Variants in RNF103 observed in about 807,000 individuals in gnomAD.
RNF103 encodes the protein E3 ubiquitin-protein ligase RNF103.
In RNF103, 23 loss-of-function variants were observed where a neutral mutation model predicts 66.2. The observed-to-expected ratio is 0.35, with a 90% confidence interval of 0.25 to 0.49. The LOEUF (loss-of-function observed/expected upper bound fraction) is 0.49. RNF103 is among the 20% of genes least tolerant of loss of function. The pLI is 0.98. For missense variants in RNF103, 730 were observed against 814.7 expected (o/e 0.90, Z 1.27); for synonymous variants, 297 against 289.9 (o/e 1.02, Z -0.25).
chr2:86,616,847 A>C, intron 2 of RNF103: 12 of 985,446 alleles, frequency 1.2e-5, no homozygotes, highest in Non-Finnish European at 1.4e-5. Flanking sequence ...ATAAATCCAT[A>C]AAACCCATAA....
chr2:86,614,075 T>A (rs1198571635), intron 2 of RNF103: 2 of 152,198 alleles, frequency 1.3e-5, no homozygotes, highest in South Asian at 4.1e-4. Flanking sequence ...ATTACAGGCA[T>A]GAACCACTGC....
At position 86,623,762 on chromosome 2, in the gene RNF103, G is replaced by A; in HGVS notation, c.-876C>T. 1 of 1,281,782 alleles carries A rather than the reference G, an allele frequency of 7.8e-7. No homozygotes were observed. The highest frequency in any genetic ancestry group is 1.0e-6 in the Non-Finnish European group (1 of 985,946). 79.4% of individuals were successfully genotyped at this position (1,281,782 alleles called of 1,614,324 possible). Reference sequence around the variant, plus strand: ...CCGTCCCGCTCGGATGGGCAGTGCCGGTCGCAGCACCCGTCCCCAACACCC... The same window carrying A: ...CCGTCCCGCTCGGATGGGCAGTGCCAGTCGCAGCACCCGTCCCCAACACCC... On this transcript the variant is annotated 5_prime_UTR_variant, in exon 1 of 4. Coordinates refer to ENST00000237455, the MANE Select transcript of RNF103 (RefSeq NM_005667.4).
chr2:86,612,148 A>C lies in RNF103; in HGVS notation c.482+11T>G. ...AGGACTCAAATTCTAAGAATTGCCT[A>C]ATCAACTTACCTGGGATCACTGGAA... is the stretch of plus-strand genomic sequence containing the variant. On this transcript the variant is annotated intron_variant, in intron 3 of 3. Transcript: ENST00000237455. 6.3e-7 allele frequency: 1 copy of C among 1,575,852 alleles called. No homozygotes were observed. The highest frequency in any genetic ancestry group is 2.2e-5 in the East Asian group (1 of 44,582).
chr2:86,623,009 G>T lies in RNF103; in HGVS notation c.-123C>A, dbSNP rs944573408. ...CCCCGTGTCCACGCGCGGGCCACCCGGCGCCGTCACTGGCCGGCCATCCCC... is the reference window on the plus strand; with the variant it reads ...CCCCGTGTCCACGCGCGGGCCACCCTGCGCCGTCACTGGCCGGCCATCCCC... On this transcript the variant is annotated 5_prime_UTR_variant, in exon 1 of 4. Coordinates refer to ENST00000237455, the MANE Select transcript of RNF103 (RefSeq NM_005667.4). The T allele has an allele frequency of 1.5e-5, 20 of 1,376,110 alleles. No individual in the cohort carries two copies. The Middle Eastern group carries it at 1.1e-3, about 74-fold the overall frequency. 85.2% of individuals were successfully genotyped at this position (1,376,110 alleles called of 1,614,324 possible).
chr2:86,622,700 G>A lies in RNF103; in HGVS notation c.187C>T (p.Pro63Ser), dbSNP rs1279310248. 6 of 1,614,000 alleles carry A rather than the reference G, an allele frequency of 3.7e-6. No homozygotes were observed. The highest frequency in any genetic ancestry group is 3.3e-4 in the Middle Eastern group (2 of 6,084). Residue 63 changes from proline (P) to serine (S), a missense_variant, in exon 1 of 4, where the codon CCC (proline) becomes TCC (serine). By Grantham distance (74) the Pro-to-Ser change is moderately conservative. Around this residue, in one of 3 missense-constraint regions of RNF103, gnomAD observed 327 missense variants for 369.8 expected, o/e 0.88. Transcript: ENST00000237455. ...ECRGLGYSGL[P>S]EKKDVRELVE... is the part of the protein sequence containing the mutation. ...AGCTCCCGGACATCCTTCTTCTCGG[G>A]CAACCCTGAGTAGCCCAACCCCCGG...
intron 3 of RNF103, among the ~76,000 whole-genome samples, 194 bp downstream of exon 3, chr2:86,611,963 CAG>C (rs1678813504): frequency 6.6e-6 from 1 of 152,062 alleles, no homozygotes; most frequent in Admixed American, 6.6e-5. Flanking sequence ...ATAGAGGAGA[CAG>C]AGAGAGATCT....
chr2:86,604,260 CAA>C lies in RNF103; in HGVS notation c.1639_1640del (p.Leu547GlufsTer2), dbSNP rs767283453. On this transcript the variant is annotated frameshift_variant, in exon 4 of 4. Coordinates refer to ENST00000237455, the MANE Select transcript of RNF103 (RefSeq NM_005667.4). LOFTEE classifies it high-confidence loss of function. ...NDSESENTDT[L>X]SSEKEVFEDK... Reference sequence around the variant, plus strand: ...CTTCAAATACTTCCTTCTCACTACTCAAAGTGTCTGTGTTCTCACTTTCCGAG... The same window carrying C: ...CTTCAAATACTTCCTTCTCACTACTCAGTGTCTGTGTTCTCACTTTCCGAG... The C allele has an allele frequency of 6.2e-7, 1 of 1,614,226 alleles. No individual in the cohort carries two copies. Among genetic ancestry groups the C allele is most frequent in the South Asian group, 1.1e-5 (1 of 91,084 alleles).
intron 2 of RNF103, chr2:86,614,708 C>T: frequency 1.5e-6 from 1 of 673,670 alleles, no homozygotes; most frequent in Non-Finnish European, 1.7e-6. Flanking sequence ...TTATTGCTAC[C>T]ACTCAAGAGT....
intron 2 of RNF103, chr2:86,614,312 A>C (rs969960061): frequency 6.6e-6 from 1 of 152,140 alleles, no homozygotes; most frequent in Admixed American, 6.6e-5. Context: ...TATAAGTTTT[A>C]CCTAGAAGGC....
chr2:86,603,955 ACAATG>A lies in RNF103; in HGVS notation c.1941_1945del (p.Ile648AspfsTer19). On this transcript the variant is annotated frameshift_variant, in exon 4 of 4. Transcript: ENST00000237455. LOFTEE classifies it high-confidence loss of function. ...ATGTCGGCCCCCAGCCAACCACATCACAATGCAATTCTGATGAAACACATGACCAC... is the reference window on the plus strand; with the variant it reads ...ATGTCGGCCCCCAGCCAACCACATCACAATTCTGATGAAACACATGACCAC... 6.2e-7 allele frequency: 1 copy of A among 1,614,154 alleles called. No homozygotes were observed. Among genetic ancestry groups the A allele is most frequent in the Non-Finnish European group, 8.5e-7 (1 of 1,180,042 alleles).
At chr2:86,620,740 T>A (rs1394145756) in intron 1 of RNF103, among the ~76,000 whole-genome samples, 6 of 152,226 alleles carry the variant, frequency 3.9e-5, no homozygotes, top group African/African-American at 1.4e-4. Flanking sequence ...TTAGTGGGGT[T>A]ATCACATAAT....
At chr2:86,617,422 A>G in intron 2 of RNF103, 1 of 548,412 alleles carries the variant, frequency 1.8e-6, no homozygotes, top group Non-Finnish European at 2.3e-6. Flanking sequence ...CACCACATTT[A>G]CATAAATGTT....
chr2:86,620,327 T>C lies in RNF103; in HGVS notation c.366+3A>G, dbSNP rs368843437. 2.9e-4 allele frequency: 459 copies of C among 1,596,508 alleles called. No individual in the cohort carries two copies. Among genetic ancestry groups the C allele is most frequent in the Admixed American group, 5.6e-4 (33 of 58,704 alleles). On this transcript the variant is annotated splice_donor_region_variant and intron_variant, in intron 2 of 3. Coordinates refer to ENST00000237455, the MANE Select transcript of RNF103 (RefSeq NM_005667.4). Reference sequence around the variant, plus strand: ...ATTATCAAATTATTACTGCTTTTCATACCTGAACCAGCCAGATGCCATCTT... The same window carrying C: ...ATTATCAAATTATTACTGCTTTTCACACCTGAACCAGCCAGATGCCATCTT...
intron 1 of RNF103, among the ~76,000 whole-genome samples, 196 bp downstream of exon 1, chr2:86,622,465 C>A (rs1365804838): frequency 6.6e-6 from 1 of 152,226 alleles, no homozygotes; most frequent in Non-Finnish European, 1.5e-5. Context: ...TACACCAACA[C>A]TCCTCCAAAT....
chr2:86,611,165 G>A (rs1678777836), intron 3 of RNF103, among the ~76,000 whole-genome samples: 1 of 149,632 alleles, frequency 6.7e-6, no homozygotes, highest in Non-Finnish European at 1.5e-5. Flanking sequence ...GAGTCACAGA[G>A]CCAAATCCTG....
In RNF103 at chr2:86,612,227, C is replaced by A; in HGVS notation, c.414G>T (p.Glu138Asp). 6.2e-7 allele frequency: 1 copy of A among 1,613,750 alleles called. No individual in the cohort carries two copies. The highest frequency in any genetic ancestry group is 8.5e-7 in the Non-Finnish European group (1 of 1,179,864). ...ATCTTGACACCTTTTTAACCATTTT[C>A]TCCCAGTGAATTTTGCCCACCAAGG... ...RSPLVGKIHWEKMVKKVSRFG... is the reference protein window; with the variant it reads ...RSPLVGKIHWDKMVKKVSRFG... The change falls in exon 3 of 4, where the codon GAG becomes GAT. Residue 138 changes from glutamate (E) to aspartate (D), a missense_variant. Physicochemically the swap from Glu to Asp is conservative, Grantham distance 45 (BLOSUM62 2). This residue lies in a region of RNF103 where 327 missense variants were observed against 369.8 expected (regional missense o/e 0.88). Transcript: ENST00000237455.
chr2:86,620,439 G>A lies in RNF103; in HGVS notation c.257C>T (p.Ala86Val). The A allele has an allele frequency of 1.9e-6, 3 of 1,598,802 alleles. No individual in the cohort carries two copies. Among genetic ancestry groups the A allele is most frequent in the Non-Finnish European group, 2.6e-6 (3 of 1,169,024 alleles). Reference protein sequence around the residue: ...GDLMEGELYSALKEEEASESV... With the variant: ...GDLMEGELYSVLKEEEASESV... ...TTCGGATGCTTCTTCTTCCTTGAGA[G>A]CAGAATAGAGCTCACCCTCCATCAA... The change falls in exon 2 of 4, where the codon GCT (alanine) becomes GTT (valine). Residue 86 changes from alanine (A) to valine (V), a missense_variant. By Grantham distance (64) the Ala-to-Val change is moderately conservative (BLOSUM62 0). This residue lies in a region of RNF103 where 327 missense variants were observed against 369.8 expected (regional missense o/e 0.88). Coordinates refer to ENST00000237455, the MANE Select transcript of RNF103 (RefSeq NM_005667.4).
In RNF103 at chr2:86,603,641, TA is replaced by T; in HGVS notation, c.*201del. 4 of 634,982 alleles carry T rather than the reference TA, an allele frequency of 6.3e-6. No homozygotes were observed. Among genetic ancestry groups the T allele is most frequent in the African/African-American group, 3.7e-5 (2 of 53,442 alleles). 39.3% of individuals were successfully genotyped at this position (634,982 alleles called of 1,614,324 possible). ...ACTTCTGAATTTCCAATGTTGTAAATAAAAAAATTTTACAATTAGGTATGCA... is the reference window on the plus strand; with the variant it reads ...ACTTCTGAATTTCCAATGTTGTAAATAAAAAATTTTACAATTAGGTATGCA... On this transcript the variant is annotated 3_prime_UTR_variant, in exon 4 of 4. Coordinates refer to ENST00000237455, the MANE Select transcript of RNF103 (RefSeq NM_005667.4).
At chr2:86,618,428 A>T (rs931003565) in intron 2 of RNF103, 1 of 152,750 alleles carries the variant, frequency 6.5e-6, no homozygotes, top group Non-Finnish European at 1.5e-5. Context: ...CACACCCACA[A>T]CTGAATAAAC....
Sources: allele counts gnomAD v4.1 joint callset (sites outside exome capture counted in the v4.1 genomes callset), GRCh38; gene constraint gnomAD v4.1.1; regional missense constraint gnomAD v4.1.1; transcripts MANE v1.5; gene names NCBI Gene and HGNC (gene_info 2026-07-23, HGNC 2026-07-21).